Variants in SGCD observed in about 807,000 individuals in gnomAD.
SGCD encodes delta-sarcoglycan.
Under a neutral mutation model 36.6 loss-of-function variants are expected in SGCD, and 18 were observed. The ratio of observed to expected loss-of-function variants is 0.49; its 90% CI spans 0.34 to 0.73. The LOEUF is 0.73. SGCD is among the 30% of genes least tolerant of loss of function. The probability of loss-of-function intolerance (pLI) is 0.01; values close to 1 mark genes in which losing one functional copy is unlikely to be tolerated. For missense variants in SGCD, 387 were observed against 346.7 expected (o/e 1.12, Z -0.92); for synonymous variants, 133 against 130.6 (o/e 1.02, Z -0.12).
chr5:156,185,909 C>A (rs1186127414), intron 3 of SGCD, among the ~76,000 whole-genome samples: 2 of 78,100 alleles, frequency 2.6e-5, no homozygotes, highest in African/African-American at 4.6e-5. Flanking sequence ...CATATGCTTT[C>A]TTTACTGTGT....
intron 1 of SGCD, among the ~76,000 whole-genome samples, chr5:155,921,409 G>A (rs532238440): frequency 1.3e-5 from 2 of 152,132 alleles, no homozygotes; most frequent in African/African-American, 2.4e-5. Flanking sequence ...ATGGGGGTAC[G>A]GTAGAGAAAG....
intron 4 of SGCD, among the ~76,000 whole-genome samples, chr5:156,543,238 A>AC (rs1361706731): frequency 1.3e-5 from 2 of 152,006 alleles, no homozygotes; most frequent in Non-Finnish European, 1.5e-5. Context: ...TGCCAGTAGT[A>AC]CCCCCCATAT....
At chr5:156,520,526 G>C (rs1321818585) in intron 4 of SGCD, among the ~76,000 whole-genome samples, 1 of 152,064 alleles carries the variant, frequency 6.6e-6, no homozygotes, top group Admixed American at 6.6e-5. Context: ...TTTAGAAGTA[G>C]AGAAAACTAT....
chr5:155,799,116 G>T, the SGCD span, among the ~76,000 whole-genome samples: 1 of 152,070 alleles, frequency 6.6e-6, no homozygotes, highest in Non-Finnish European at 1.5e-5. Flanking sequence ...CCAAATACTT[G>T]TTGGTATACT....
chr5:156,053,465 A>G (rs1376641918), intron 1 of SGCD, among the ~76,000 whole-genome samples: 1 of 146,206 alleles, frequency 6.8e-6, no homozygotes, highest in Non-Finnish European at 1.5e-5. Flanking sequence ...AACTCCAAGC[A>G]CTCAGTATGC....
intron 7 of SGCD, among the ~76,000 whole-genome samples, chr5:156,719,086 G>T (rs1040091686): frequency 2.6e-5 from 4 of 152,024 alleles, no homozygotes; most frequent in Non-Finnish European, 5.9e-5. Flanking sequence ...CAGAGAGAGA[G>T]AAGTGGAAGG....
chr5:156,225,926 C>T (rs879601728), intron 3 of SGCD, among the ~76,000 whole-genome samples: 1 of 151,970 alleles, frequency 6.6e-6, no homozygotes, highest in Non-Finnish European at 1.5e-5. Flanking sequence ...TACACAGATG[C>T]ATGATTTTTA....
chr5:156,076,218 G>A (rs949851928), intron 1 of SGCD, among the ~76,000 whole-genome samples: 8 of 151,880 alleles, frequency 5.3e-5, no homozygotes, highest in African/African-American at 1.9e-4. Context: ...GTTTCTTTTT[G>A]TATGTTGTCT....
intron 2 of SGCD, among the ~76,000 whole-genome samples, chr5:156,343,772 G>A (rs957559016): frequency 1.3e-5 from 2 of 152,008 alleles, no homozygotes. Flanking sequence ...ATTAGCCTAC[G>A]AGCTAATGTT....
chr5:156,602,285 C>T (rs562590328), intron 6 of SGCD, among the ~76,000 whole-genome samples: 11 of 150,860 alleles, frequency 7.3e-5, no homozygotes, highest in East Asian at 1.9e-4. Flanking sequence ...GATTTGTATA[C>T]GTCCATTTGA....
chr5:155,879,803 T>C (rs528410571), intron 1 of SGCD, among the ~76,000 whole-genome samples: 2 of 152,298 alleles, frequency 1.3e-5, no homozygotes, highest in East Asian at 1.9e-4. Context: ...AAGGCAGTTT[T>C]AACCACTTGA....
the SGCD span, among the ~76,000 whole-genome samples, chr5:155,811,731 G>T: frequency 6.6e-6 from 1 of 152,148 alleles, no homozygotes; most frequent in Non-Finnish European, 1.5e-5. Flanking sequence ...GGGTCCGGGG[G>T]GTCACCGCCT....
chr5:156,647,361 GT>G, intron 6 of SGCD, 102 bp from the exon 7 acceptor site: 1 of 709,918 alleles, frequency 1.4e-6, no homozygotes. Context: ...GTATGGGGTT[GT>G]GTAATGGATT....
chr5:155,979,307 G>A (rs1400910684), intron 1 of SGCD, among the ~76,000 whole-genome samples: 1 of 152,178 alleles, frequency 6.6e-6, no homozygotes, highest in Non-Finnish European at 1.5e-5. Flanking sequence ...GAGATATAAG[G>A]TGCTTAGGGG....
chr5:155,968,851 A>G (rs76613148), intron 1 of SGCD, among the ~76,000 whole-genome samples: 2,375 of 152,234 alleles, frequency 0.016, 65 homozygotes, highest in African/African-American at 0.054. Context: ...ATATTTTTAC[A>G]GGAATGAACA....
Position 156,055,651 on chromosome 5 carries a change from A to C in SGCD, c.-281-62227A>C, listed in dbSNP as rs1370901319. Among the ~76,000 whole-genome samples the C allele has an allele frequency of 2.0e-5, 3 of 146,342 alleles. 1 individual carries two copies. The highest frequency in any genetic ancestry group is 3.1e-5 in the Non-Finnish European group (2 of 64,966). The stretch of plus-strand genomic sequence containing the variant: ...GTTTAGACTATATATTTTAAAGGAA[A>C]TGTACTCTTTAACAAACCTAATTTA... On this transcript the variant is annotated intron_variant, in intron 1 of 9. Transcript: ENST00000517913.
At chr5:156,215,232 T>C (rs577293267) in intron 3 of SGCD, among the ~76,000 whole-genome samples, 2 of 152,060 alleles carry the variant, frequency 1.3e-5, no homozygotes, top group African/African-American at 4.8e-5. Flanking sequence ...ATTCAACCCA[T>C]TGAAGAAAAT....
chr5:156,393,923 G>C, intron 3 of SGCD: 1 of 440,450 alleles, frequency 2.3e-6, no homozygotes, highest in South Asian at 1.6e-5. Flanking sequence ...ACACTCACAA[G>C]AGATGGGTAA....
At chr5:156,688,467 A>C (rs541464516) in intron 7 of SGCD, among the ~76,000 whole-genome samples, 1 of 152,314 alleles carries the variant, frequency 6.6e-6, no homozygotes, top group Admixed American at 6.5e-5. Context: ...ATAGTAAACA[A>C]CAGAAACTCA....
Sources: gnomAD v4.1 joint callset for allele counts (sites outside exome capture counted in the v4.1 genomes callset) on GRCh38, gnomAD v4.1.1 for gene constraint, MANE v1.5 for transcripts, NCBI Gene and HGNC (gene_info 2026-07-23, HGNC 2026-07-21) for gene names.